Variants in KCNK2 observed in about 807,000 individuals in gnomAD.
The protein encoded by KCNK2 is potassium two pore domain channel subfamily K member 2.
Under a neutral mutation model 40.5 loss-of-function variants are expected in KCNK2, and 21 were observed. The observed-to-expected ratio is 0.52, with a 90% CI of 0.37 to 0.75. The LOEUF (loss-of-function observed/expected upper bound fraction) is 0.75, where lower values mean the gene tolerates loss of function less well. Among genes scored for constraint, KCNK2 ranks in the 30% least tolerant of loss-of-function variants. The probability of loss-of-function intolerance (pLI) is 0.00; values close to 1 mark genes in which losing one functional copy is unlikely to be tolerated. For synonymous variants in KCNK2, 191 were observed against 202.2 expected, an observed-to-expected ratio of 0.94 and a Z score of 0.47; for missense variants, 399 against 531.6, an observed-to-expected ratio of 0.75 and a Z score of 2.45.
intron 2 of KCNK2, among the ~76,000 whole-genome samples, chr1:215,100,733 C>CAAACCATCCAT (rs1276068925): frequency 1.5e-4 from 23 of 151,988 alleles, no homozygotes; most frequent in Admixed American, 1.4e-3. Flanking sequence ...CCACTTGTCG[C>CAAACCATCCAT]AAACCATCCA....
chr1:215,038,894 T>A (rs1657471665), intron 1 of KCNK2, among the ~76,000 whole-genome samples: 1 of 152,148 alleles, frequency 6.6e-6, no homozygotes, highest in South Asian at 2.1e-4. Flanking sequence ...AAATGGAATC[T>A]TAAGATGGTT....
chr1:215,223,635 C>G (rs1051959656), intron 6 of KCNK2, among the ~76,000 whole-genome samples: 1 of 152,044 alleles, frequency 6.6e-6, no homozygotes, highest in African/African-American at 2.4e-5. Context: ...TGCTTTCTTA[C>G]CATAGAACAC....
chr1:215,062,181 G>T (rs959678639), intron 1 of KCNK2, among the ~76,000 whole-genome samples: 1 of 152,002 alleles, frequency 6.6e-6, no homozygotes, highest in Non-Finnish European at 1.5e-5. Flanking sequence ...CTGTTCAAAA[G>T]GCCGAAAATT....
intron 5 of KCNK2, among the ~76,000 whole-genome samples, chr1:215,183,521 T>C (rs1354231171): frequency 6.6e-6 from 1 of 152,214 alleles, no homozygotes; most frequent in Non-Finnish European, 1.5e-5. Flanking sequence ...GTTGTATCTG[T>C]AAGGTCCTAT....
intron 4 of KCNK2, among the ~76,000 whole-genome samples, chr1:215,171,619 A>C (rs1012842030): frequency 1.3e-5 from 2 of 152,160 alleles, no homozygotes; most frequent in African/African-American, 4.8e-5. Context: ...ATTATAGAAT[A>C]GAAATATTTC....
chr1:215,043,908 A>G (rs562957733), intron 1 of KCNK2, among the ~76,000 whole-genome samples: 51 of 152,330 alleles, frequency 3.3e-4, no homozygotes, highest in Middle Eastern at 6.8e-3. Flanking sequence ...GACAAATGCA[A>G]GAAATCTGTA....
At chr1:215,138,125 A>G (rs566496286) in intron 3 of KCNK2, among the ~76,000 whole-genome samples, 4 of 152,316 alleles carry the variant, frequency 2.6e-5, no homozygotes, top group Non-Finnish European at 4.4e-5. Flanking sequence ...AGGTGCTAGC[A>G]GACAAAATAA....
At chr1:215,064,926 C>G (rs745658732) in intron 1 of KCNK2, among the ~76,000 whole-genome samples, 63 of 152,182 alleles carry the variant, frequency 4.1e-4, no homozygotes, top group Non-Finnish European at 2.1e-4. Context: ...TGGGATGTCA[C>G]AGTATTGTGT....
intron 3 of KCNK2, among the ~76,000 whole-genome samples, chr1:215,152,127 T>C (rs979095738): frequency 1.3e-5 from 2 of 152,170 alleles, no homozygotes; most frequent in Non-Finnish European, 2.9e-5. Context: ...CATTAACATT[T>C]TTTGTCCCAG....
intron 2 of KCNK2, among the ~76,000 whole-genome samples, chr1:215,088,518 G>A: frequency 6.6e-6 from 1 of 150,782 alleles, no homozygotes; most frequent in South Asian, 2.1e-4. Context: ...TGTAGCCTCT[G>A]ATTCATGTAG....
intron 3 of KCNK2, among the ~76,000 whole-genome samples, chr1:215,128,028 G>A (rs1362699306): frequency 6.6e-6 from 1 of 152,182 alleles, no homozygotes; most frequent in African/African-American, 2.4e-5. Flanking sequence ...AGGGAGAAGT[G>A]TGAATAAATA....
intron 1 of KCNK2, among the ~76,000 whole-genome samples, chr1:215,050,592 T>A (rs1657953106): frequency 6.6e-6 from 1 of 152,150 alleles, no homozygotes; most frequent in African/African-American, 2.4e-5. Context: ...AAGTTTGATG[T>A]ACCAGATAGT....
At chr1:215,142,378 A>G (rs1188046546) in intron 3 of KCNK2, among the ~76,000 whole-genome samples, 1 of 152,170 alleles carries the variant, frequency 6.6e-6, no homozygotes, top group Non-Finnish European at 1.5e-5. Context: ...GTTGGAGTAC[A>G]TAATCTAGAA....
chr1:215,087,732 A>T (rs986909414), intron 2 of KCNK2, among the ~76,000 whole-genome samples: 1 of 152,156 alleles, frequency 6.6e-6, no homozygotes, highest in Non-Finnish European at 1.5e-5. Flanking sequence ...TGTTTGAATG[A>T]GTTGGAATAG....
intron 1 of KCNK2, among the ~76,000 whole-genome samples, chr1:215,075,114 A>G (rs1475228734): frequency 6.6e-6 from 1 of 152,206 alleles, no homozygotes; most frequent in Non-Finnish European, 1.5e-5. Context: ...TTTGACCTGC[A>G]TGAATTTTCA....
rs61819678 is a variant in KCNK2, at chr1:215,224,103, G to A, written c.964-10725G>A. 2.0e-3 allele frequency among the ~76,000 whole-genome samples: 301 copies of A among 152,260 alleles called. 1 individual carries two copies. Among genetic ancestry groups the A allele is most frequent in the Non-Finnish European group, 3.1e-3 (210 of 68,002 alleles). On this transcript the variant is annotated intron_variant, in intron 6 of 6. Coordinates refer to ENST00000444842, the MANE Select transcript of KCNK2 (RefSeq NM_001017425.3). ...AGCAGCATATTGAAAATGAAACGATGTCTAATCTCTTGGAGATTGCTGAGT... is the reference window on the plus strand; with the variant it reads ...AGCAGCATATTGAAAATGAAACGATATCTAATCTCTTGGAGATTGCTGAGT...
chr1:215,096,309 G>C (rs1324050313), intron 2 of KCNK2, among the ~76,000 whole-genome samples: 1 of 151,320 alleles, frequency 6.6e-6, no homozygotes, highest in African/African-American at 2.4e-5. Flanking sequence ...CCATTGTTAG[G>C]GGATGATTTA....
intron 1 of KCNK2, among the ~76,000 whole-genome samples, chr1:215,076,279 G>C (rs1385942912): frequency 6.6e-6 from 1 of 152,116 alleles, no homozygotes; most frequent in Non-Finnish European, 1.5e-5. Context: ...GTTATCTATT[G>C]GTGCATAGAA....
At chr1:215,176,257 AT>A (rs937159943) in intron 5 of KCNK2, among the ~76,000 whole-genome samples, 1 of 151,956 alleles carries the variant, frequency 6.6e-6, no homozygotes, top group Non-Finnish European at 1.5e-5. Flanking sequence ...GATGTGGGGC[AT>A]TTTTTTATAT....
Sources: allele counts gnomAD v4.1 joint callset (sites outside exome capture counted in the v4.1 genomes callset), GRCh38; gene constraint gnomAD v4.1.1; transcripts MANE v1.5; gene names NCBI Gene and HGNC (gene_info 2026-07-23, HGNC 2026-07-21).